ELK3: variants seen among roughly 807,000 people sequenced by gnomAD.
ELK3 encodes ETS domain-containing protein Elk-3.
Under a neutral mutation model 28.9 loss-of-function variants are expected in ELK3, and 10 were observed. The observed-to-expected ratio is 0.35, with a 90% confidence interval of 0.21 to 0.59. The LOEUF (loss-of-function observed/expected upper bound fraction) is 0.59. Ranked by LOEUF, ELK3 falls within the 20% of genes least tolerant of loss-of-function variation. ELK3 has a pLI of 0.82. For synonymous variants in ELK3, 272 were observed against 243.5 expected, an observed-to-expected ratio of 1.12 and a Z score of -1.09; for missense variants, 463 against 517.3, an observed-to-expected ratio of 0.90 and a Z score of 1.02.
intron 2 of ELK3, chr12:96,224,035 A>G (rs1028873515): frequency 4.5e-6 from 2 of 447,710 alleles, no homozygotes; most frequent in Non-Finnish European, 8.2e-6. Flanking sequence ...TCACAATACA[A>G]ATGAGATGCA....
chr12:96,246,454 A>G (rs1454174343), intron 2 of ELK3, among the ~76,000 whole-genome samples: 2 of 152,212 alleles, frequency 1.3e-5, no homozygotes, highest in Non-Finnish European at 2.9e-5. Context: ...CAGGAGTTTG[A>G]GACCAGCCTG....
chr12:96,216,023 TGTCCCTCCCCTCTGTG>T (rs1189473720), intron 1 of ELK3, among the ~76,000 whole-genome samples: 1 of 152,118 alleles, frequency 6.6e-6, no homozygotes, highest in Non-Finnish European at 1.5e-5. Flanking sequence ...TCTGCAAAAA[TGTCCCTCCCCTCTGTG>T]CCAGAGGTCA....
intron 2 of ELK3, among the ~76,000 whole-genome samples, chr12:96,227,970 G>A (rs1047803274): frequency 6.6e-6 from 1 of 152,150 alleles, no homozygotes; most frequent in African/African-American, 2.4e-5. Context: ...TAATACAGAT[G>A]ACAGTTTCTC....
At chr12:96,258,941 G>A (rs552956032) in intron 3 of ELK3, among the ~76,000 whole-genome samples, 1 of 152,222 alleles carries the variant, frequency 6.6e-6, no homozygotes, top group African/African-American at 2.4e-5. Context: ...GCTGCTACAG[G>A]GTATTTTAAC....
intron 1 of ELK3, among the ~76,000 whole-genome samples, chr12:96,202,350 A>T (rs75259387): frequency 0.029 from 4,453 of 152,100 alleles, 109 homozygotes; most frequent in Middle Eastern, 0.054. Flanking sequence ...GTCAATACTG[A>T]CAGAATTTTC....
chr12:96,238,291 G>A (rs1951797818), intron 2 of ELK3, among the ~76,000 whole-genome samples: 1 of 152,232 alleles, frequency 6.6e-6, no homozygotes, highest in Non-Finnish European at 1.5e-5. Context: ...GAAAAAATTA[G>A]CCTATGGGGT....
intron 1 of ELK3, among the ~76,000 whole-genome samples, chr12:96,196,077 A>T (rs1335853477): frequency 1.3e-5 from 2 of 152,236 alleles, no homozygotes; most frequent in Admixed American, 1.3e-4. Context: ...CTGCTGCAGG[A>T]AGAGAGAGCC....
At chr12:96,238,753 T>TAG (rs1951800223) in intron 2 of ELK3, among the ~76,000 whole-genome samples, 1 of 152,170 alleles carries the variant, frequency 6.6e-6, no homozygotes, top group Non-Finnish European at 1.5e-5. Flanking sequence ...GAATGGACCT[T>TAG]ACGGAAGATT....
chr12:96,237,248 T>C (rs1448072655), intron 2 of ELK3, among the ~76,000 whole-genome samples: 3 of 152,156 alleles, frequency 2.0e-5, no homozygotes, highest in Admixed American at 6.5e-5. Context: ...GCAGCTCAGG[T>C]TTATGGGTCA....
chr12:96,247,636 C>G lies in ELK3; in HGVS notation c.904C>G (p.Pro302Ala), dbSNP rs1444381941. ...ACCCAAAGGCTTGGAAATCTCAGCG[C>G]CCCCGCTGGTGCTCTCCGGCACCGA... ...KKPKGLEISA[P>A]PLVLSGTDIG... The change falls in exon 3 of 5, where the codon CCC becomes GCC. Residue 302 changes from proline (P) to alanine (A), a missense_variant. Around this residue, in one of 2 missense-constraint regions of ELK3, gnomAD observed 408 missense variants for 414.8 expected, o/e 0.98. Transcript: ENST00000228741. This position sits in a 1 kb window ranked among gnomAD's most constrained non-coding sequence, Gnocchi z 5.5. 6.2e-7 allele frequency: 1 copy of G among 1,613,088 alleles called. No individual in the cohort carries two copies. Among genetic ancestry groups the G allele is most frequent in the Non-Finnish European group, 8.5e-7 (1 of 1,180,010 alleles).
chr12:96,259,178 T>TGTATGTGAGAAGG (rs2137041930), intron 3 of ELK3, among the ~76,000 whole-genome samples: 1 of 152,334 alleles, frequency 6.6e-6, no homozygotes, highest in East Asian at 1.9e-4. Flanking sequence ...AACTTGAATT[T>TGTATGTGAGAAGG]TCCACCAGAA....
At chr12:96,245,563 T>C (rs970261075) in intron 2 of ELK3, among the ~76,000 whole-genome samples, 2 of 152,160 alleles carry the variant, frequency 1.3e-5, no homozygotes, top group Non-Finnish European at 2.9e-5. Context: ...CTTGAAATGA[T>C]CTTTTTTTAA....
intron 1 of ELK3, among the ~76,000 whole-genome samples, chr12:96,220,545 G>A (rs1225119798): frequency 1.3e-5 from 2 of 151,782 alleles, no homozygotes; most frequent in East Asian, 1.9e-4. Flanking sequence ...GGGCCACCAC[G>A]CCCAGCTGGT....
intron 1 of ELK3, among the ~76,000 whole-genome samples, chr12:96,222,187 A>G (rs763930969): frequency 3.9e-5 from 6 of 152,166 alleles, no homozygotes; most frequent in Non-Finnish European, 7.4e-5. Flanking sequence ...ACTACTTAGA[A>G]TCAATACCTA....
At chr12:96,238,755 C>A (rs550079183) in intron 2 of ELK3, among the ~76,000 whole-genome samples, 1 of 152,156 alleles carries the variant, frequency 6.6e-6, no homozygotes, top group Non-Finnish European at 1.5e-5. Flanking sequence ...ATGGACCTTA[C>A]GGAAGATTGG....
rs756511475 is a variant in ELK3 at position 96,223,649 on chromosome 12, C to T, written c.83C>T (p.Ser28Leu). The T allele has an allele frequency of 3.1e-6, 5 of 1,613,986 alleles. No individual in the cohort carries two copies. The South Asian group carries it at 4.4e-5, about 14-fold the overall frequency. ...CATGAGCATTTGATCTGCTGGACCT[C>T]GAACGATGGTGAATTCAAGCTCCTC... ...QKHEHLICWTSNDGEFKLLKA... is the reference protein window; with the variant it reads ...QKHEHLICWTLNDGEFKLLKA... Residue 28 changes from serine to leucine, a missense_variant, in exon 2 of 5, where the codon TCG (serine) becomes TTG (leucine). By Grantham distance (145) the Ser-to-Leu change is moderately radical. Coordinates refer to ENST00000228741, the MANE Select transcript of ELK3 (RefSeq NM_005230.4).
At chr12:96,211,749 A>T (rs1472985587) in intron 1 of ELK3, among the ~76,000 whole-genome samples, 2 of 152,196 alleles carry the variant, frequency 1.3e-5, no homozygotes, top group East Asian at 1.9e-4. Context: ...AAAATTCATC[A>T]GGCAGCCTTG....
At chr12:96,237,190 A>G (rs1163150982) in intron 2 of ELK3, among the ~76,000 whole-genome samples, 2 of 152,240 alleles carry the variant, frequency 1.3e-5, no homozygotes, top group African/African-American at 4.8e-5. Flanking sequence ...TGGCAGGGAC[A>G]TTAAACTCAC....
At chr12:96,245,883 T>C (rs1005283327) in intron 2 of ELK3, among the ~76,000 whole-genome samples, 1 of 152,222 alleles carries the variant, frequency 6.6e-6, no homozygotes, top group Non-Finnish European at 1.5e-5. Flanking sequence ...TTTTCATTTA[T>C]AGCCTAATGT....
Sources: allele counts gnomAD v4.1 joint callset (sites outside exome capture counted in the v4.1 genomes callset), GRCh38; gene constraint gnomAD v4.1.1; regional missense constraint gnomAD v4.1.1; non-coding constraint Gnocchi (gnomAD v3.1); transcripts MANE v1.5; gene names NCBI Gene and HGNC (gene_info 2026-07-23, HGNC 2026-07-21).